Variants in ZNF521 observed in about 807,000 individuals in gnomAD.
ZNF521 encodes the protein LYST-interacting protein 3.
In ZNF521, 14 loss-of-function variants were observed where a neutral mutation model predicts 105.5. The observed-to-expected ratio is 0.13, with a 90% CI of 0.09 to 0.21. The LOEUF (loss-of-function observed/expected upper bound fraction) is 0.21, where lower values mean the gene tolerates loss of function less well. Ranked by LOEUF, ZNF521 falls within the 10% of genes least tolerant of loss-of-function variation. The probability of loss-of-function intolerance (pLI) is 1.00; values close to 1 mark genes in which losing one functional copy is unlikely to be tolerated. For missense variants in ZNF521, 1,233 were observed against 1,629.7 expected, an observed-to-expected ratio of 0.76 and a Z score of 4.19; for synonymous variants, 635 against 606.0, an observed-to-expected ratio of 1.05 and a Z score of -0.70.
chr18:25,112,229 A>C (rs4493141), intron 5 of ZNF521, among the ~76,000 whole-genome samples: 79,094 of 152,048 alleles, frequency 0.52, 20,930 homozygotes, highest in South Asian at 0.66. Context: ...CTTTAATAAT[A>C]TCCAGATATC....
At chr18:25,279,191 C>T (rs1223413541) in intron 3 of ZNF521, among the ~76,000 whole-genome samples, 1 of 152,100 alleles carries the variant, frequency 6.6e-6, no homozygotes, top group Non-Finnish European at 1.5e-5. Context: ...ACAACAAGAA[C>T]CAACTTTATA....
chr18:25,308,648 ATCC>A (rs374729013), intron 3 of ZNF521, among the ~76,000 whole-genome samples: 10,921 of 115,990 alleles, frequency 0.094, 434 homozygotes, highest in African/African-American at 0.12. Context: ...CCTTAATGAC[ATCC>A]CCCCCCCCCC....
chr18:25,217,056 G>T (rs1905373836), intron 4 of ZNF521, among the ~76,000 whole-genome samples: 3 of 152,156 alleles, frequency 2.0e-5, no homozygotes, highest in African/African-American at 7.2e-5. Flanking sequence ...AGAGTCGCCA[G>T]AAGGAAGTGA....
Position 25,227,436 on chromosome 18 carries a change from C to T in ZNF521, c.482G>A (p.Arg161Gln), listed in dbSNP as rs1248818093. 1.9e-6 allele frequency: 3 copies of T among 1,613,972 alleles called. No homozygotes were observed. The highest frequency in any genetic ancestry group is 3.3e-5 in the Admixed American group (2 of 59,982). ...GGTGTGGAGTTTTATGTGGCGATCT[C>T]GGCTGCGCTTGTGTTTGAACAGCCT... The part of the protein sequence containing the change: ...CSRLFKHKRS[R>Q]DRHIKLHTGD... The change falls in exon 4 of 8, where the codon CGA (arginine) becomes CAA (glutamine). Residue 161 changes from arginine (R) to glutamine (Q), a missense_variant. Around this residue, in one of 6 missense-constraint regions of ZNF521, gnomAD observed 85 missense variants for 162.2 expected, o/e 0.52. Transcript: ENST00000361524. The surrounding 1 kb of genome is among the most constrained non-coding windows in gnomAD (Gnocchi z 5.7).
intron 3 of ZNF521, among the ~76,000 whole-genome samples, chr18:25,274,385 C>T (rs1336767086): frequency 6.6e-6 from 1 of 152,166 alleles, no homozygotes; most frequent in Non-Finnish European, 1.5e-5. Context: ...CAAATCCTCC[C>T]AGAGTCAGCT....
chr18:25,200,040 G>A (rs1337672476), intron 4 of ZNF521, among the ~76,000 whole-genome samples: 1 of 152,028 alleles, frequency 6.6e-6, no homozygotes, highest in African/African-American at 2.4e-5. Flanking sequence ...CTCATTTATA[G>A]ATTAATTAAG....
Position 25,160,151 on chromosome 18 carries a change from T to C in ZNF521, c.3658+35009A>G, listed in dbSNP as rs2035224252. ...TGGATTAGCCATCAGGGGGTTATTT[T>C]AGCCGCATGTTTGTTACTACTCTAT... On this transcript the variant is annotated intron_variant, in intron 5 of 7. Transcript: ENST00000361524. 2.0e-5 allele frequency among the ~76,000 whole-genome samples: 3 copies of C among 152,194 alleles called. No individual in the cohort carries two copies. In the South Asian group the frequency reaches 6.2e-4, roughly 31 times the overall value.
In ZNF521 at chr18:25,227,361, C is replaced by T; in HGVS notation, c.557G>A (p.Ser186Asn). 6.2e-7 allele frequency: 1 copy of T among 1,614,142 alleles called. No individual in the cohort carries two copies. Among genetic ancestry groups the T allele is most frequent in the Non-Finnish European group, 8.5e-7 (1 of 1,180,022 alleles). Residue 186 changes from serine (S) to asparagine (N), a missense_variant, in exon 4 of 8, where the codon AGT becomes AAT. Physicochemically the swap from Ser to Asn is conservative, Grantham distance 46. Around this residue, in one of 6 missense-constraint regions of ZNF521, gnomAD observed 85 missense variants for 162.2 expected, o/e 0.52. Transcript: ENST00000361524. The surrounding 1 kb of genome is among the most constrained non-coding windows in gnomAD (Gnocchi z 5.7). ...CSECDAAFSR[S>N]DHLKIHLKTH... is the part of the protein sequence containing the mutation. ...CTTTAAGTGGATCTTCAAGTGATCA[C>T]TTCTGGAAAACGCAGCATCACATTC...
intron 7 of ZNF521, among the ~76,000 whole-genome samples, chr18:25,063,631 G>GCT (rs2032970743): frequency 6.6e-6 from 1 of 152,138 alleles, no homozygotes; most frequent in South Asian, 2.1e-4. Context: ...CTGTATTCAG[G>GCT]GAGCAGGCAG....
intron 7 of ZNF521, among the ~76,000 whole-genome samples, chr18:25,080,942 G>A (rs2033479675): frequency 6.6e-6 from 1 of 152,234 alleles, no homozygotes; most frequent in Non-Finnish European, 1.5e-5. Flanking sequence ...TTCTCCAAAG[G>A]ATCCGACTAC....
At position 25,308,686 on chromosome 18, in the gene ZNF521, AT is replaced by A. The variant is rs549479971; in HGVS notation, c.220+13321del. 7.4e-3 allele frequency among the ~76,000 whole-genome samples: 822 copies of A among 110,554 alleles called. 7 individuals are homozygous for A. Among genetic ancestry groups the A allele is most frequent in the South Asian group, 0.023 (82 of 3,610 alleles). 72.5% of individuals were successfully genotyped at this position (110,554 alleles called of 152,430 possible). A position where few individuals can be genotyped will look rare whatever the true frequency, so the allele number is the denominator to read the frequency against. The stretch of plus-strand genomic sequence containing the variant: ...CACCCGCCACAGCCCCTCCAAAATT[AT>A]TTTTTTTCTCAGAATATGCTGGAAC... On this transcript the variant is annotated intron_variant, in intron 3 of 7. Coordinates refer to ENST00000361524, the MANE Select transcript of ZNF521 (RefSeq NM_015461.3).
intron 5 of ZNF521, among the ~76,000 whole-genome samples, chr18:25,138,383 C>A (rs1276655375): frequency 6.6e-6 from 1 of 151,878 alleles, no homozygotes; most frequent in Non-Finnish European, 1.5e-5. Flanking sequence ...TTTATAGGTA[C>A]AATTTGTACC....
At chr18:25,260,559 A>G (rs1439106099) in intron 3 of ZNF521, among the ~76,000 whole-genome samples, 1 of 152,208 alleles carries the variant, frequency 6.6e-6, no homozygotes, top group East Asian at 1.9e-4. Context: ...AAAAATATGT[A>G]TTATATCTAG....
In ZNF521 at chr18:25,117,018, C is replaced by T. The variant is rs538663824; in HGVS notation, c.3659-24937G>A. Reference sequence around the variant, plus strand: ...ACATATATATACATACACACACACACATATATATATACATACACACACACA... The same window carrying T: ...ACATATATATACATACACACACACATATATATATATACATACACACACACA... On this transcript the variant is annotated intron_variant, in intron 5 of 7. Coordinates refer to ENST00000361524, the MANE Select transcript of ZNF521 (RefSeq NM_015461.3). Among the ~76,000 whole-genome samples the T allele has an allele frequency of 1.2e-4, 16 of 138,060 alleles. No individual in the cohort carries two copies. In the East Asian group the frequency reaches 1.3e-3, roughly 11 times the overall value. The allele number at this position is 138,060 out of a possible 152,430, so 90.6% of individuals were successfully genotyped here.
intron 3 of ZNF521, among the ~76,000 whole-genome samples, chr18:25,244,621 A>T (rs1568032070): frequency 6.6e-6 from 1 of 152,224 alleles, no homozygotes; most frequent in African/African-American, 2.4e-5. Flanking sequence ...ATTCTCATCT[A>T]AACAGTGCTT....
rs1356628494 is a variant in ZNF521, at chr18:25,326,224, T to C, written c.41-4037A>G. ...GTATTCTTGAAACTCATCTTACATA[T>C]TTCTCTCTGTGCAACAAGGATCCCA... On this transcript the variant is annotated intron_variant, in intron 2 of 7. Transcript: ENST00000361524. Among the ~76,000 whole-genome samples the C allele has an allele frequency of 2.0e-5, 3 of 152,322 alleles. No individual in the cohort carries two copies. The East Asian group carries it at 5.8e-4, about 29-fold the overall frequency.
chr18:25,333,383 A>T (rs1027488430), intron 2 of ZNF521, among the ~76,000 whole-genome samples: 2 of 151,592 alleles, frequency 1.3e-5, no homozygotes, highest in Admixed American at 1.3e-4. Context: ...ATATTCTCAG[A>T]GGGTGGGCAG....
At chr18:25,148,319 G>A (rs983460438) in intron 5 of ZNF521, among the ~76,000 whole-genome samples, 2 of 152,140 alleles carry the variant, frequency 1.3e-5, no homozygotes, top group African/African-American at 2.4e-5. Flanking sequence ...GTATAGATAC[G>A]AGGCTCACCA....
intron 3 of ZNF521, 42 bp downstream of exon 3, chr18:25,321,966 A>G (rs2145146686): frequency 6.5e-7 from 1 of 1,548,948 alleles, no homozygotes; most frequent in Non-Finnish European, 8.8e-7. Context: ...AATCAGAAAT[A>G]GAACAGTACA....
Sources: allele counts gnomAD v4.1 joint callset (sites outside exome capture counted in the v4.1 genomes callset), GRCh38; gene constraint gnomAD v4.1.1; regional missense constraint gnomAD v4.1.1; non-coding constraint Gnocchi (gnomAD v3.1); transcripts MANE v1.5; gene names NCBI Gene and HGNC (gene_info 2026-07-23, HGNC 2026-07-21).